The following RBFOX2 variants were observed in gnomAD, a reference collection of about 807,000 sequenced individuals.
RBFOX2 encodes RNA binding protein fox-1 homolog 2.
RBFOX2 carries 10 observed loss-of-function variants against 49.1 expected under a neutral mutation model. The observed-to-expected ratio is 0.20, with a 90% CI of 0.13 to 0.35. The LOEUF (loss-of-function observed/expected upper bound fraction) is 0.35, where lower values mean the gene tolerates loss of function less well. Ranked by LOEUF, RBFOX2 falls within the 10% of genes least tolerant of loss-of-function variation. The pLI is 1.00. For missense variants in RBFOX2, 323 were observed against 486.9 expected, an observed-to-expected ratio of 0.66 and a Z score of 3.17; for synonymous variants, 183 against 187.4, an observed-to-expected ratio of 0.98 and a Z score of 0.19.
chr22:35,939,187 G>C (rs145893231), upstream of RBFOX2: 7 of 578,920 alleles, frequency 1.2e-5, no homozygotes, highest in African/African-American at 1.3e-4. Context: ...ACTGCGACTG[G>C]GGTCAGAGTT....
rs1932429429 is a variant in RBFOX2, at chr22:35,745,823, A to C, written c.1049+100T>G. The C allele has an allele frequency of 4.9e-6, 6 of 1,218,114 alleles. No individual in the cohort carries two copies. The South Asian group carries it at 8.0e-5, about 16-fold the overall frequency. 75.5% of individuals were successfully genotyped at this position (1,218,114 alleles called of 1,614,324 possible). ...TGTGGCTTTAATACCTTGATGGTGG[A>C]TGAAAGGCTGAATTTACTACCTCCC... On this transcript the variant is annotated intron_variant, in intron 11 of 11. Transcript: ENST00000405409.
At chr22:35,794,410 G>T (rs558148694) in intron 2 of RBFOX2, among the ~76,000 whole-genome samples, 1 of 152,236 alleles carries the variant, frequency 6.6e-6, no homozygotes, top group Admixed American at 6.5e-5. Context: ...TGTAATCCCA[G>T]CACTTTGGGA....
chr22:35,761,351 T>C, intron 7 of RBFOX2, 57 bp from the exon 9 acceptor site: 2 of 1,612,704 alleles, frequency 1.2e-6, no homozygotes, highest in Non-Finnish European at 1.7e-6. Flanking sequence ...GAGTCACAAA[T>C]TGAAAAACAG....
chr22:35,900,939 A>G (rs1362211301), intron 1 of RBFOX2, among the ~76,000 whole-genome samples: 1 of 152,218 alleles, frequency 6.6e-6, no homozygotes, highest in Non-Finnish European at 1.5e-5. Context: ...CTTTCCAGTT[A>G]GGGGATGTAA....
In RBFOX2 at chr22:35,775,959, T is replaced by A. The variant is rs527481412; in HGVS notation, c.453+2066A>T. Among the ~76,000 whole-genome samples, 13 of 152,032 alleles carry A rather than the reference T, an allele frequency of 8.6e-5. No individual in the cohort carries two copies. The South Asian group carries it at 2.5e-3, about 29-fold the overall frequency. On this transcript the variant is annotated intron_variant, in intron 4 of 11. Coordinates refer to ENST00000405409, the Ensembl canonical transcript of RBFOX2. The stretch of plus-strand genomic sequence containing the variant: ...ATCAATTTCCTTTGCTTCACAATAA[T>A]TCAAACAAATTATTTTCTTGGTAAG...
Position 35,759,237 on chromosome 22 carries a change from C to T in RBFOX2, c.887+651G>A, listed in dbSNP as rs987179875. Among the ~76,000 whole-genome samples the T allele has an allele frequency of 1.3e-5, 2 of 152,188 alleles. No individual in the cohort carries two copies. The highest frequency in any genetic ancestry group is 4.8e-5 in the African/African-American group (2 of 41,454). ...AGACACCCTCCATAAAAAAATCAAA[C>T]GGTGAAGGATGCTCAGCTACAGTCG... On this transcript the variant is annotated intron_variant, in intron 9 of 11. Coordinates refer to ENST00000405409, the Ensembl canonical transcript of RBFOX2. The surrounding 1 kb of genome is among the most constrained non-coding windows in gnomAD (Gnocchi z 4.6).
Position 35,794,836 on chromosome 22 carries a change from C to A in RBFOX2, c.253-13090G>T, listed in dbSNP as rs188034789. On this transcript the variant is annotated intron_variant, in intron 2 of 11. Transcript: ENST00000405409. ...AAGCTGTGAGAGCAGTAAGGGGCAG[C>A]GGAGCACAGCATTAACGCGCCTAGC... Among the ~76,000 whole-genome samples the A allele has an allele frequency of 7.9e-5, 12 of 152,194 alleles. No individual in the cohort carries two copies. The East Asian group carries it at 1.9e-3, about 24-fold the overall frequency.
intron 1 of RBFOX2, among the ~76,000 whole-genome samples, chr22:35,828,865 C>T (rs1956270994): frequency 6.6e-6 from 1 of 152,086 alleles, no homozygotes; most frequent in Non-Finnish European, 1.5e-5. Flanking sequence ...TCCTGGCTAA[C>T]ACAGCGAAAC....
At chr22:35,885,717 C>T (rs1305767129) in intron 1 of RBFOX2, among the ~76,000 whole-genome samples, 1 of 152,022 alleles carries the variant, frequency 6.6e-6, no homozygotes, top group Non-Finnish European at 1.5e-5. Context: ...TTACCTCCCT[C>T]TTGATTTATT....
intron 9 of RBFOX2, among the ~76,000 whole-genome samples, chr22:35,753,801 G>A (rs1432167727): frequency 8.8e-4 from 21 of 23,758 alleles, no homozygotes; most frequent in African/African-American, 2.5e-3. Flanking sequence ...TTTTTTTTTT[G>A]AGACGAAGTC....
At chr22:35,884,812 A>C (rs1199245786) in intron 1 of RBFOX2, among the ~76,000 whole-genome samples, 2 of 152,192 alleles carry the variant, frequency 1.3e-5, no homozygotes, top group Non-Finnish European at 2.9e-5. Context: ...AGACTAGCTG[A>C]ATGTATTACA....
At chr22:35,840,231 T>C in exon 1 of RBFOX2, 2 of 1,614,124 alleles carry the variant, frequency 1.2e-6, no homozygotes. Context: ...ACCAAACGGA[T>C]AGATGATAAA....
chr22:35,852,526 C>T (rs889076558), intron 1 of RBFOX2, among the ~76,000 whole-genome samples: 3 of 151,372 alleles, frequency 2.0e-5, no homozygotes, highest in Non-Finnish European at 4.4e-5. Flanking sequence ...GCAATAAAAC[C>T]TTATGCTAAA....
chr22:35,801,295 A>G (rs1181213247), intron 2 of RBFOX2, among the ~76,000 whole-genome samples: 1 of 152,202 alleles, frequency 6.6e-6, no homozygotes, highest in Non-Finnish European at 1.5e-5. Flanking sequence ...TTAATTGATG[A>G]GTAATCAAAC....
At chr22:36,026,074 G>A (rs1194207548) in intron 1 of RBFOX2, among the ~76,000 whole-genome samples, 1 of 152,070 alleles carries the variant, frequency 6.6e-6, no homozygotes, top group African/African-American at 2.4e-5. Context: ...AGACCAGCCT[G>A]GCCAACCTGG....
intron 1 of RBFOX2, among the ~76,000 whole-genome samples, chr22:35,920,963 A>T (rs2050960892): frequency 6.6e-6 from 1 of 152,206 alleles, no homozygotes; most frequent in Admixed American, 6.5e-5. Flanking sequence ...TATTCTTTTG[A>T]TCTGCTGTAT....
At chr22:35,868,037 C>T (rs1294238504) in intron 1 of RBFOX2, among the ~76,000 whole-genome samples, 1 of 151,824 alleles carries the variant, frequency 6.6e-6, no homozygotes, top group African/African-American at 2.4e-5. Context: ...ATGGCAAAAC[C>T]CTAACTCTAC....
intron 1 of RBFOX2, among the ~76,000 whole-genome samples, chr22:35,981,007 A>T (rs2057431174): frequency 1.3e-5 from 2 of 152,196 alleles, no homozygotes; most frequent in South Asian, 4.1e-4. Context: ...CACAGAGGAG[A>T]AAAAGATAGC....
At chr22:35,945,305 T>C (rs184668922) in intron 1 of RBFOX2, among the ~76,000 whole-genome samples, 81 of 152,372 alleles carry the variant, frequency 5.3e-4, no homozygotes, top group Admixed American at 1.6e-3. Context: ...AGCAAGTTAA[T>C]TGTTTTTCAA....
Sources: gnomAD v4.1 joint callset for allele counts (sites outside exome capture counted in the v4.1 genomes callset) on GRCh38, gnomAD v4.1.1 for gene constraint, Gnocchi (gnomAD v3.1) non-coding constraint, MANE v1.5 for transcripts, NCBI Gene and HGNC (gene_info 2026-07-23, HGNC 2026-07-21) for gene names.